RAPGEF2: variants seen among roughly 807,000 people sequenced by gnomAD.
RAPGEF2 encodes PDZ domain containing guanine nucleotide exchange factor (GEF) 1.
In RAPGEF2, 54 loss-of-function variants were observed where a neutral mutation model predicts 186.7. The observed-to-expected ratio is 0.29, with a 90% confidence interval of 0.23 to 0.36. The LOEUF is 0.36. Among genes scored for constraint, RAPGEF2 ranks in the 10% least tolerant of loss-of-function variants. The probability of loss-of-function intolerance (pLI) is 1.00; values close to 1 mark genes in which losing one functional copy is unlikely to be tolerated. For missense variants in RAPGEF2, 1,532 were observed against 2,045.0 expected, an observed-to-expected ratio of 0.75 and a Z score of 4.84; for synonymous variants, 712 against 705.9, an observed-to-expected ratio of 1.01 and a Z score of -0.14.
At chr4:159,189,468 G>A (rs1038740855) in intron 2 of RAPGEF2, among the ~76,000 whole-genome samples, 1 of 139,752 alleles carries the variant, frequency 7.2e-6, no homozygotes, top group African/African-American at 2.4e-5. Context: ...TTGCCAGCGG[G>A]GAAGAGTATG....
At chr4:159,307,620 A>G (rs1763461943) in intron 8 of RAPGEF2, among the ~76,000 whole-genome samples, 2 of 152,332 alleles carry the variant, frequency 1.3e-5, no homozygotes, top group South Asian at 4.1e-4. Context: ...CACTGTTCTC[A>G]TCAAATAAAT....
At chr4:159,159,309 A>G (rs1043790023) in intron 1 of RAPGEF2, among the ~76,000 whole-genome samples, 5 of 152,214 alleles carry the variant, frequency 3.3e-5, no homozygotes, top group African/African-American at 9.6e-5. Context: ...GGACATCACT[A>G]TTCTCTTAGG....
chr4:159,143,530 A>G (rs115423933), intron 1 of RAPGEF2, among the ~76,000 whole-genome samples: 4 of 152,360 alleles, frequency 2.6e-5, no homozygotes, highest in Middle Eastern at 3.4e-3. Context: ...TAACTGGTCA[A>G]TTAATAAAAG....
At chr4:159,307,937 C>T (rs1427381419) in intron 8 of RAPGEF2, among the ~76,000 whole-genome samples, 1 of 152,206 alleles carries the variant, frequency 6.6e-6, no homozygotes, top group Non-Finnish European at 1.5e-5. Flanking sequence ...CCCCACTGCA[C>T]TCCAGCCTAT....
chr4:159,185,643 T>C (rs779927049), intron 1 of RAPGEF2, among the ~76,000 whole-genome samples: 5 of 152,144 alleles, frequency 3.3e-5, no homozygotes, highest in Non-Finnish European at 5.9e-5. Flanking sequence ...GAAAGTAGTT[T>C]AGTGGTTGTC....
chr4:159,279,310 G>A (rs6826307), intron 7 of RAPGEF2, among the ~76,000 whole-genome samples: 3,797 of 152,258 alleles, frequency 0.025, 160 homozygotes, highest in African/African-American at 0.086. Flanking sequence ...GCATGCGCAC[G>A]CACAGGTCTA....
chr4:159,286,663 T>C (rs1561213557), intron 7 of RAPGEF2, among the ~76,000 whole-genome samples: 1 of 152,166 alleles, frequency 6.6e-6, no homozygotes, highest in Non-Finnish European at 1.5e-5. Flanking sequence ...TGATCCTCCC[T>C]TTGTACATTT....
intron 26 of RAPGEF2, among the ~76,000 whole-genome samples, chr4:159,350,737 A>G (rs1012162775): frequency 6.6e-6 from 1 of 152,142 alleles, no homozygotes; most frequent in Non-Finnish European, 1.5e-5. Context: ...TAGAGACTAT[A>G]TTTTAGGTAC....
At chr4:159,251,124 T>TGCCC (rs1251113170) in intron 7 of RAPGEF2, among the ~76,000 whole-genome samples, 1 of 152,202 alleles carries the variant, frequency 6.6e-6, no homozygotes, top group Non-Finnish European at 1.5e-5. Context: ...CCCGCCTGCC[T>TGCCC]GCCCGCCCTG....
intron 4 of RAPGEF2, among the ~76,000 whole-genome samples, chr4:159,217,917 AT>A (rs1751139085): frequency 6.6e-6 from 1 of 152,010 alleles, no homozygotes; most frequent in Non-Finnish European, 1.5e-5. Flanking sequence ...GATGTTGAGC[AT>A]TTTTTCGTAT....
Position 159,103,709 on chromosome 4 carries a change from G to C in RAPGEF2, c.-454G>C, listed in dbSNP as rs1000973353. ...GGGGGCGACCCTCAGCGCCGTGGGG[G>C]AGGAGGCTCCGCCTGCCCACAGCCC... On this transcript the variant is annotated 5_prime_UTR_variant, in exon 1 of 30. Coordinates refer to ENST00000691494, the MANE Select transcript of RAPGEF2 (RefSeq NM_001394067.2). The C allele has an allele frequency of 6.6e-6, 1 of 152,646 alleles. No individual in the cohort carries two copies. Among genetic ancestry groups the C allele is most frequent in the South Asian group, 2.1e-4 (1 of 4,842 alleles). The allele number at this position is 152,646 out of a possible 1,614,324, so 9.5% of individuals were successfully genotyped here. A position where few individuals can be genotyped will look rare whatever the true frequency, so the allele number is the denominator to read the frequency against.
chr4:159,182,523 G>A (rs1326604112), intron 1 of RAPGEF2, among the ~76,000 whole-genome samples: 2 of 150,334 alleles, frequency 1.3e-5, no homozygotes, highest in Non-Finnish European at 3.0e-5. Flanking sequence ...AGCCTCCCAA[G>A]TAGCTGGGAT....
chr4:159,339,447 A>G, intron 19 of RAPGEF2, 93 bp downstream of exon 19: 1 of 1,411,844 alleles, frequency 7.1e-7, no homozygotes, highest in East Asian at 2.3e-5. Context: ...TGTTTTTTAA[A>G]TGAGTAAGTG....
intron 4 of RAPGEF2, among the ~76,000 whole-genome samples, chr4:159,219,311 C>T (rs1751280783): frequency 1.2e-5 from 1 of 84,106 alleles, no homozygotes; most frequent in Non-Finnish European, 2.7e-5. Flanking sequence ...ATGTGTAAAA[C>T]CTAATCACTA....
chr4:159,131,174 G>A (rs1192599305), intron 1 of RAPGEF2, among the ~76,000 whole-genome samples: 5 of 151,134 alleles, frequency 3.3e-5, no homozygotes, highest in Admixed American at 3.3e-4. Context: ...GCAATGGCAC[G>A]ATCTCGGCTC....
In RAPGEF2 at chr4:159,329,947, T is replaced by A; in HGVS notation, c.1239T>A (p.Val413=). 1.9e-6 allele frequency: 3 copies of A among 1,613,410 alleles called. No homozygotes were observed. Among genetic ancestry groups the A allele is most frequent in the Non-Finnish European group, 1.7e-6 (2 of 1,179,558 alleles). The change falls in exon 12 of 30, where the codon GTT becomes GTA. Residue 413 remains valine, a synonymous_variant. Coordinates refer to ENST00000691494, the MANE Select transcript of RAPGEF2 (RefSeq NM_001394067.2). ...MQKVEEEGEI[V]MVKEHRELDR... is the part of the protein sequence containing the mutation. ...AAGTTGAAGAGGAAGGAGAGATTGT[T>A]ATGGTGAAAGAACACCGAGAACTTG... is the stretch of plus-strand genomic sequence containing the variant.
chr4:159,328,881 CTT>C (rs34989217), intron 11 of RAPGEF2: 6 of 151,974 alleles, frequency 3.9e-5, no homozygotes, highest in African/African-American at 1.4e-4. Context: ...AGTATAGTAT[CTT>C]TTTTAAAAAA....
intron 9 of RAPGEF2, among the ~76,000 whole-genome samples, chr4:159,315,537 G>A (rs1396481370): frequency 6.6e-6 from 1 of 152,032 alleles, no homozygotes; most frequent in African/African-American, 2.4e-5. Context: ...TTAGGCCCGG[G>A]GACCACTACC....
intron 1 of RAPGEF2, among the ~76,000 whole-genome samples, chr4:159,123,140 G>A (rs1011452937): frequency 6.6e-6 from 1 of 152,152 alleles, no homozygotes; most frequent in African/African-American, 2.4e-5. Context: ...CTGGTCAACA[G>A]TAGGCTATTA....
Sources: allele counts gnomAD v4.1 joint callset (sites outside exome capture counted in the v4.1 genomes callset), GRCh38; gene constraint gnomAD v4.1.1; transcripts MANE v1.5; gene names NCBI Gene and HGNC (gene_info 2026-07-23, HGNC 2026-07-21).